The following AGBL1 variants were observed in gnomAD, a reference collection of about 807,000 sequenced individuals.
AGBL1 encodes the protein AGBL carboxypeptidase 1.
In AGBL1, 130 loss-of-function variants were observed where a neutral mutation model predicts 118.9. The ratio of observed to expected loss-of-function variants is 1.09; its 90% CI spans 0.95 to 1.26. The LOEUF is 1.26. Among genes scored for constraint, AGBL1 ranks in the 50% most tolerant of loss-of-function variants. AGBL1 has a pLI of 0.00. For missense variants in AGBL1, 1,584 were observed against 1,298.1 expected (o/e 1.22, Z -3.38); for synonymous variants, 555 against 478.9 (o/e 1.16, Z -2.08).
At chr15:86,523,870 A>G (rs1055023649) in intron 19 of AGBL1, among the ~76,000 whole-genome samples, 4 of 152,216 alleles carry the variant, frequency 2.6e-5, no homozygotes, top group Non-Finnish European at 4.4e-5. Flanking sequence ...CCATATGAAA[A>G]TGCTCATTTA....
At chr15:86,211,714 G>A (rs1476978288) in intron 5 of AGBL1, among the ~76,000 whole-genome samples, 1 of 152,168 alleles carries the variant, frequency 6.6e-6, no homozygotes, top group Non-Finnish European at 1.5e-5. Context: ...TATTTTGGTG[G>A]GAGCGTCCGA....
chr15:86,392,403 T>G (rs1414363079), intron 17 of AGBL1, among the ~76,000 whole-genome samples: 1 of 152,216 alleles, frequency 6.6e-6, no homozygotes, highest in African/African-American at 2.4e-5. Context: ...CCACTGTGTT[T>G]GAAAATATCC....
chr15:86,612,967 A>G (rs763727723), intron 21 of AGBL1, among the ~76,000 whole-genome samples: 8 of 152,216 alleles, frequency 5.3e-5, no homozygotes, highest in Non-Finnish European at 7.3e-5. Flanking sequence ...TCCCTGCTTC[A>G]AGATGTCTTG....
intron 18 of AGBL1, among the ~76,000 whole-genome samples, chr15:86,461,665 G>A (rs778479088): frequency 4.0e-5 from 6 of 151,806 alleles, no homozygotes; most frequent in Non-Finnish European, 7.4e-5. Flanking sequence ...TTTATATTTG[G>A]GTGTATATAA....
intron 24 of AGBL1, among the ~76,000 whole-genome samples, chr15:86,992,871 T>A (rs1009246307): frequency 1.3e-5 from 2 of 152,170 alleles, no homozygotes; most frequent in Non-Finnish European, 2.9e-5. Context: ...GCCATTGTTA[T>A]CTAGTCATAG....
rs185427604 is a variant in AGBL1, at chr15:86,567,612, A to C, written c.2994+13075A>C. ...ATTTTAGATCACTATTCTCAGAATC[A>C]TTTTTACAGATAACCTTTAGAGGAA... On this transcript the variant is annotated intron_variant, in intron 21 of 22. Transcript: ENST00000614907. Among the ~76,000 whole-genome samples the C allele has an allele frequency of 3.8e-3, 583 of 152,302 alleles. 2 individuals carry two copies. The highest frequency in any genetic ancestry group is 0.014 in the African/African-American group (569 of 41,568).
chr15:86,513,866 T>C (rs1567034081), intron 18 of AGBL1, among the ~76,000 whole-genome samples: 2 of 152,092 alleles, frequency 1.3e-5, no homozygotes, highest in East Asian at 3.8e-4. Context: ...TCCCTTAGAA[T>C]TGATCTCTGC....
At chr15:87,010,348 C>T (rs1238106284) in intron 24 of AGBL1, among the ~76,000 whole-genome samples, 1 of 152,164 alleles carries the variant, frequency 6.6e-6, no homozygotes, top group Non-Finnish European at 1.5e-5. Flanking sequence ...TCAGGCCACC[C>T]CAGCCATGTG....
intron 22 of AGBL1, among the ~76,000 whole-genome samples, chr15:86,897,434 A>G (rs977812571): frequency 2.0e-5 from 3 of 151,934 alleles, no homozygotes; most frequent in Non-Finnish European, 2.9e-5. Flanking sequence ...TAAACTATAT[A>G]TTTTCCCATT....
intron 22 of AGBL1, among the ~76,000 whole-genome samples, chr15:86,798,254 G>A (rs764830155): frequency 1.3e-5 from 2 of 152,174 alleles, no homozygotes; most frequent in Non-Finnish European, 2.9e-5. Context: ...GTAACAGTCA[G>A]ATTACCTGTG....
intron 23 of AGBL1, among the ~76,000 whole-genome samples, chr15:86,968,573 C>T (rs2081076955): frequency 6.6e-6 from 1 of 151,842 alleles, no homozygotes; most frequent in South Asian, 2.1e-4. Context: ...CGTGACTACA[C>T]CATGTAACTA....
intron 19 of AGBL1, among the ~76,000 whole-genome samples, chr15:86,532,693 C>G (rs1331856177): frequency 6.6e-6 from 1 of 151,688 alleles, no homozygotes; most frequent in South Asian, 2.1e-4. Flanking sequence ...AGGCATCAGA[C>G]TACCTGACTT....
chr15:86,248,208 T>C (rs1279648942), intron 7 of AGBL1, among the ~76,000 whole-genome samples: 1 of 152,084 alleles, frequency 6.6e-6, no homozygotes, highest in African/African-American at 2.4e-5. Context: ...TCCCAGTTAC[T>C]CAGGAGGCTG....
chr15:86,980,839 G>A (rs1441638256), intron 23 of AGBL1, among the ~76,000 whole-genome samples: 1 of 150,224 alleles, frequency 6.7e-6, no homozygotes, highest in Non-Finnish European at 1.5e-5. Flanking sequence ...GATCATTGAA[G>A]CTTTATCTAC....
At chr15:86,541,572 T>G in intron 19 of AGBL1, among the ~76,000 whole-genome samples, 1 of 115,720 alleles carries the variant, frequency 8.6e-6, no homozygotes, top group East Asian at 2.5e-4. Flanking sequence ...TCAGCCTGGG[T>G]GAAAGAGTGA....
intron 23 of AGBL1, among the ~76,000 whole-genome samples, chr15:86,977,298 C>A (rs1046611716): frequency 1.3e-5 from 2 of 151,442 alleles, no homozygotes; most frequent in African/African-American, 2.4e-5. Flanking sequence ...GCAGTTTTAG[C>A]GGTCTACTAA....
intron 1 of AGBL1, among the ~76,000 whole-genome samples, chr15:86,110,901 T>C (rs1407953318): frequency 1.3e-5 from 2 of 152,172 alleles, no homozygotes; most frequent in Non-Finnish European, 2.9e-5. Flanking sequence ...AGAGGTTTGT[T>C]TAGTAAACAA....
At chr15:86,286,014 T>C (rs758748803) in intron 16 of AGBL1, among the ~76,000 whole-genome samples, 4 of 152,102 alleles carry the variant, frequency 2.6e-5, no homozygotes, top group Non-Finnish European at 4.4e-5. Flanking sequence ...AAGTTTGATA[T>C]CAGGCACCAA....
intron 1 of AGBL1, among the ~76,000 whole-genome samples, chr15:86,122,019 C>T (rs376715336): frequency 3.3e-5 from 5 of 152,138 alleles, no homozygotes; most frequent in South Asian, 4.1e-4. Context: ...ACAAGGAAGT[C>T]GGAAAATTAC....
Sources: gnomAD v4.1 joint callset for allele counts (sites outside exome capture counted in the v4.1 genomes callset) on GRCh38, gnomAD v4.1.1 for gene constraint, MANE v1.5 for transcripts, NCBI Gene and HGNC (gene_info 2026-07-23, HGNC 2026-07-21) for gene names.